The following ADGRV1 variants were observed in gnomAD, a reference collection of about 807,000 sequenced individuals.
ADGRV1 encodes G-protein coupled receptor 98.
ADGRV1 carries 359 observed loss-of-function variants against 596.2 expected under a neutral mutation model. That is an observed-to-expected ratio of 0.60 (90% CI 0.55 to 0.66). ADGRV1 has a LOEUF of 0.66. Among genes scored for constraint, ADGRV1 ranks in the 30% least tolerant of loss-of-function variants. The pLI, the probability that ADGRV1 is intolerant of heterozygous loss-of-function variation, is 0.00. For synonymous variants in ADGRV1, 2,681 were observed against 2,679.2 expected, an observed-to-expected ratio of 1.00 and a Z score of -0.02; for missense variants, 7,274 against 7,575.6, an observed-to-expected ratio of 0.96 and a Z score of 1.48.
intron 83 of ADGRV1, among the ~76,000 whole-genome samples, chr5:90,964,669 A>G (rs115815729): frequency 0.012 from 1,816 of 152,164 alleles, 29 homozygotes; most frequent in African/African-American, 0.04. Context: ...TTAGTGAGTA[A>G]AACAGTCAAC....
At chr5:90,831,514 G>C (rs1039340507) in intron 77 of ADGRV1, among the ~76,000 whole-genome samples, 2 of 151,972 alleles carry the variant, frequency 1.3e-5, no homozygotes, top group African/African-American at 4.8e-5. Flanking sequence ...ATCACATCAG[G>C]ATAAATGGGG....
intron 89 of ADGRV1, among the ~76,000 whole-genome samples, chr5:91,154,308 T>G (rs1796289920): frequency 6.6e-6 from 1 of 152,248 alleles, no homozygotes; most frequent in Non-Finnish European, 1.5e-5. Context: ...TATTCAGAAG[T>G]GCATTTTACT....
chr5:90,884,088 A>G lies in ADGRV1; in HGVS notation c.17856+20231A>G, dbSNP rs181302026. Among the ~76,000 whole-genome samples the G allele has an allele frequency of 3.3e-5, 5 of 152,274 alleles. No individual in the cohort carries two copies. The East Asian group carries it at 7.7e-4, about 24-fold the overall frequency. On this transcript the variant is annotated intron_variant, in intron 83 of 89. Coordinates refer to ENST00000405460, the MANE Select transcript of ADGRV1 (RefSeq NM_032119.4). ...GGCATTAACCAAATGGTTTTTATAA[A>G]GGATTTATGGCCTTAGACTAGGATT...
chr5:91,005,378 AT>A (rs538505790), intron 85 of ADGRV1, among the ~76,000 whole-genome samples: 1 of 139,628 alleles, frequency 7.2e-6, no homozygotes, highest in African/African-American at 2.8e-5. Context: ...ATATATATAT[AT>A]TTTTTTGAAG....
chr5:90,933,273 A>G (rs1730490311), intron 83 of ADGRV1, among the ~76,000 whole-genome samples: 1 of 152,178 alleles, frequency 6.6e-6, no homozygotes, highest in South Asian at 2.1e-4. Flanking sequence ...GATTAATTGC[A>G]ATGACAAAGG....
rs1192350854 is a variant in ADGRV1, at chr5:90,973,231, G to C, written c.17973+7700G>C. Among the ~76,000 whole-genome samples the C allele has an allele frequency of 5.3e-5, 8 of 152,208 alleles. No individual in the cohort carries two copies. The East Asian group carries it at 1.5e-3, about 29-fold the overall frequency. The stretch of plus-strand genomic sequence containing the variant: ...ATTAATAGCCTACCAACCAAAAAAA[G>C]TCCAGGACCAGATGGATTCACAGTC... On this transcript the variant is annotated intron_variant, in intron 84 of 89. Transcript: ENST00000405460.
chr5:91,150,318 AG>A, intron 88 of ADGRV1, 97 bp downstream of exon 88: 2 of 962,592 alleles, frequency 2.1e-6, no homozygotes, highest in East Asian at 5.5e-5. Context: ...TCTCATTGAC[AG>A]GCTCTCCACC....
intron 74 of ADGRV1, 23 bp from the exon 75 acceptor site, chr5:90,815,596 T>C (rs1298327927): frequency 4.8e-6 from 6 of 1,240,878 alleles, no homozygotes; most frequent in South Asian, 1.3e-5. Flanking sequence ...GAATATATTA[T>C]AGCCCTCCAT....
rs75421694 is a variant in ADGRV1, at chr5:90,992,121, C to T, written c.18152+6599C>T. Among the ~76,000 whole-genome samples the T allele has an allele frequency of 8.1e-3, 1,232 of 152,314 alleles. 5 individuals are homozygous for T. The highest frequency in any genetic ancestry group is 0.014 in the Non-Finnish European group (923 of 68,022). On this transcript the variant is annotated intron_variant, in intron 85 of 89. Transcript: ENST00000405460. ...TTAAAATTAAAAAATCTTGAAAGTA[C>T]GCTTCCCCACGAAGTCTTCTTAGGT... is the stretch of plus-strand genomic sequence containing the variant.
intron 85 of ADGRV1, among the ~76,000 whole-genome samples, chr5:91,023,518 G>A (rs1427152375): frequency 6.6e-6 from 1 of 152,024 alleles, no homozygotes; most frequent in East Asian, 1.9e-4. Context: ...TTTGAGTTAG[G>A]GTTTCTTTTC....
chr5:90,974,161 C>T (rs1020935036), intron 84 of ADGRV1, among the ~76,000 whole-genome samples: 2 of 152,098 alleles, frequency 1.3e-5, no homozygotes, highest in African/African-American at 2.4e-5. Context: ...AGGACCTCTT[C>T]AAGGAGAACT....
chr5:91,087,283 C>A (rs1789960566), intron 86 of ADGRV1, among the ~76,000 whole-genome samples: 10 of 151,948 alleles, frequency 6.6e-5, no homozygotes, highest in Admixed American at 5.9e-4. Context: ...ACTATATAAT[C>A]TTTTTGTTGT....
At chr5:91,059,434 G>T (rs549171537) in intron 85 of ADGRV1, among the ~76,000 whole-genome samples, 1 of 152,160 alleles carries the variant, frequency 6.6e-6, no homozygotes, top group East Asian at 1.9e-4. Context: ...TCCTCACTCT[G>T]TCCTTCCCCC....
At chr5:90,764,197 C>A (rs900899142) in intron 59 of ADGRV1, among the ~76,000 whole-genome samples, 1 of 152,216 alleles carries the variant, frequency 6.6e-6, no homozygotes, top group Non-Finnish European at 1.5e-5. Context: ...TGTCCTTTGG[C>A]TCTGCAGTGC....
Position 90,779,020 on chromosome 5 carries a change from T to C in ADGRV1, c.13005T>C (p.Val4335=), listed in dbSNP as rs757414222. 6.2e-7 allele frequency: 1 copy of C among 1,613,398 alleles called. No individual in the cohort carries two copies. The highest frequency in any genetic ancestry group is 8.5e-7 in the Non-Finnish European group (1 of 1,179,500). The part of the protein sequence containing the change: ...EAGEMRKSLH[V]EILDDDYPEG... ...GGGAGATGAGGAAAAGTCTGCATGTTGAAATCCTTGATGATGACTATCCTG... is the reference window on the plus strand; with the variant it reads ...GGGAGATGAGGAAAAGTCTGCATGTCGAAATCCTTGATGATGACTATCCTG... Residue 4335 remains valine (V), a synonymous_variant, in exon 64 of 90, where the codon GTT becomes GTC. Coordinates refer to ENST00000405460, the MANE Select transcript of ADGRV1 (RefSeq NM_032119.4).
intron 83 of ADGRV1, among the ~76,000 whole-genome samples, chr5:90,952,109 C>A (rs1443719908): frequency 6.6e-6 from 1 of 152,030 alleles, no homozygotes. Context: ...TTATATTTGC[C>A]CATAGTCTGC....
At chr5:90,715,780 A>G (rs1002748809) in intron 42 of ADGRV1, among the ~76,000 whole-genome samples, 1 of 152,110 alleles carries the variant, frequency 6.6e-6, no homozygotes, top group African/African-American at 2.4e-5. Flanking sequence ...AACTTCTTCA[A>G]ATTACCTGAA....
intron 85 of ADGRV1, among the ~76,000 whole-genome samples, chr5:91,008,729 G>A (rs1200945667): frequency 1.3e-5 from 2 of 151,940 alleles, no homozygotes; most frequent in Non-Finnish European, 2.9e-5. Flanking sequence ...ACAAACTCCT[G>A]ACCTCAAGAT....
intron 83 of ADGRV1, among the ~76,000 whole-genome samples, chr5:90,932,760 TA>T (rs972952066): frequency 6.6e-6 from 1 of 151,784 alleles, no homozygotes; most frequent in Non-Finnish European, 1.5e-5. Context: ...GCTTTCAGAT[TA>T]AAAAAAATCA....
Sources: gnomAD v4.1 joint callset for allele counts (sites outside exome capture counted in the v4.1 genomes callset) on GRCh38, gnomAD v4.1.1 for gene constraint, MANE v1.5 for transcripts, NCBI Gene and HGNC (gene_info 2026-07-23, HGNC 2026-07-21) for gene names.